TLR2: variants seen among roughly 807,000 people sequenced by gnomAD.
The protein encoded by TLR2 is toll like receptor 2.
A neutral mutation model predicts 9.1 loss-of-function variants in TLR2; 7 were observed. The observed-to-expected ratio is 0.77, with a 90% CI of 0.44 to 1.44. The LOEUF (loss-of-function observed/expected upper bound fraction) is 1.44. Ranked by LOEUF, TLR2 falls within the 40% of genes most tolerant of loss-of-function variation. The pLI is 0.01. For missense variants in TLR2, 812 were observed against 904.6 expected (o/e 0.90, Z 1.31); for synonymous variants, 317 against 344.6 (o/e 0.92, Z 0.89).
chr4:153,684,759 G>A (rs55714645), intron 1 of TLR2, among the ~76,000 whole-genome samples: 7,551 of 151,358 alleles, frequency 0.05, 507 homozygotes, highest in African/African-American at 0.16. Context: ...TTGCCGCGGA[G>A]AGCTTCCGCT....
chr4:153,699,534 A>G (rs751303052), intron 2 of TLR2, among the ~76,000 whole-genome samples: 2 of 152,230 alleles, frequency 1.3e-5, no homozygotes, highest in African/African-American at 2.4e-5. Context: ...AAGGCTATAT[A>G]GTTGCCCAGT....
intron 2 of TLR2, among the ~76,000 whole-genome samples, chr4:153,689,676 C>T (rs187520121): frequency 6.6e-6 from 1 of 152,276 alleles, no homozygotes; most frequent in East Asian, 1.9e-4. Flanking sequence ...TGATTACATC[C>T]AGGCATTATT....
Position 153,703,233 on chromosome 4 carries a change from A to G in TLR2, c.326A>G (p.Tyr109Cys). 4 of 1,614,000 alleles carry G rather than the reference A, an allele frequency of 2.5e-6. No individual in the cohort carries two copies. Among genetic ancestry groups the G allele is most frequent in the Non-Finnish European group, 1.7e-6 (2 of 1,179,964 alleles). Residue 109 changes from tyrosine (Y) to cysteine (C), a missense_variant, in exon 3 of 3, where the codon TAT becomes TGT. Tyr to Cys is a radical substitution (Grantham distance 194, BLOSUM62 -2). Transcript: ENST00000642700. ...LGSLEHLDLS[Y>C]NYLSNLSSSW... Reference sequence around the variant, plus strand: ...AGTCTTGAACATTTAGACTTATCCTATAATTACTTATCTAATTTATCGTCT... The same window carrying G: ...AGTCTTGAACATTTAGACTTATCCTGTAATTACTTATCTAATTTATCGTCT...
intron 1 of TLR2, among the ~76,000 whole-genome samples, chr4:153,685,264 T>G (rs1175341347): frequency 1.3e-5 from 2 of 152,208 alleles, no homozygotes; most frequent in East Asian, 3.8e-4. Flanking sequence ...TCTATAAATA[T>G]GAACTTGTGT....
At chr4:153,686,258 T>C (rs1735698538) in intron 1 of TLR2, among the ~76,000 whole-genome samples, 1 of 152,100 alleles carries the variant, frequency 6.6e-6, no homozygotes, top group African/African-American at 2.4e-5. Flanking sequence ...AAATTCCACC[T>C]CTCAACACTG....
Position 153,703,509 on chromosome 4 carries a change from G to GT in TLR2, c.603dup (p.His202SerfsTer32), listed in dbSNP as rs1560751220. ...AGTTTGAAGTCAATTCAGAATGTAA[G>GT]TCATCTGATCCTTCATATGAAGCAG... On this transcript the variant is annotated frameshift_variant, in exon 3 of 3. Transcript: ENST00000642700. LOFTEE classifies it low-confidence loss of function (END_TRUNC). The GT allele has an allele frequency of 3.7e-6, 6 of 1,613,780 alleles. No individual in the cohort carries two copies. In the African/African-American group the frequency reaches 4.0e-5, roughly 11 times the overall value.
chr4:153,705,914 T>C lies in TLR2; in HGVS notation c.*652T>C, dbSNP rs1434002407. Among the ~76,000 whole-genome samples the C allele has an allele frequency of 1.3e-5, 2 of 152,200 alleles. No homozygotes were observed. Among genetic ancestry groups the C allele is most frequent in the Non-Finnish European group, 2.9e-5 (2 of 68,026 alleles). On this transcript the variant is annotated 3_prime_UTR_variant, in exon 3 of 3. Coordinates refer to ENST00000642700, the MANE Select transcript of TLR2 (RefSeq NM_001318789.2). ...CAATGACTGTGTCATTCTTTCTTCCTGCTAAGAGACTCCTCTGTGGCCACA... is the reference window on the plus strand; with the variant it reads ...CAATGACTGTGTCATTCTTTCTTCCCGCTAAGAGACTCCTCTGTGGCCACA...
intron 2 of TLR2, among the ~76,000 whole-genome samples, chr4:153,689,851 A>G (rs1251248942): frequency 1.3e-5 from 2 of 152,102 alleles, no homozygotes; most frequent in African/African-American, 4.8e-5. Context: ...TCCACCCTCT[A>G]TGGCAGTTTC....
At chr4:153,685,398 A>G (rs907331955) in intron 1 of TLR2, among the ~76,000 whole-genome samples, 2 of 152,212 alleles carry the variant, frequency 1.3e-5, no homozygotes, top group Non-Finnish European at 2.9e-5. Flanking sequence ...ATCTGGGTGT[A>G]GACAACTCAA....
chr4:153,696,854 G>T (rs4696482), intron 2 of TLR2, among the ~76,000 whole-genome samples: 1 of 151,690 alleles, frequency 6.6e-6, no homozygotes, highest in African/African-American at 2.4e-5. Context: ...TGTAGCATGA[G>T]CCCATCTACA....
At chr4:153,710,377 GC>G (rs1246825071), downstream of TLR2, 1 of 1,553,822 alleles carries the variant, frequency 6.4e-7, no homozygotes, top group African/African-American at 1.4e-5. Flanking sequence ...TCCTATTCCA[GC>G]CCTAGTGAAT....
chr4:153,701,279 G>A (rs892663119), intron 2 of TLR2, among the ~76,000 whole-genome samples: 21 of 152,138 alleles, frequency 1.4e-4, no homozygotes, highest in Non-Finnish European at 8.8e-5. Flanking sequence ...TATGGGATTA[G>A]CATCCTTATA....
At chr4:153,710,594 T>G (rs1443437761), downstream of TLR2, 31 of 1,101,426 alleles carry the variant, frequency 2.8e-5, no homozygotes, top group Non-Finnish European at 3.8e-5. Flanking sequence ...GGGTATTTCC[T>G]TTCTTGTTAA....
chr4:153,708,526 CATA>C (rs1737402395), downstream of TLR2, among the ~76,000 whole-genome samples: 2 of 152,114 alleles, frequency 1.3e-5, no homozygotes, highest in Admixed American at 6.5e-5. Context: ...CTGAATCAAT[CATA>C]ATGAGAGAGG....
rs139227237 is a variant in TLR2 at position 153,703,557 on chromosome 4, T to C, written c.650T>C (p.Phe217Ser). ...CAGCATATTTTACTGCTGGAGATTT[T>C]TGTAGATGTTACAAGTTCCGTGGAA... ...MKQHILLLEI[F>S]VDVTSSVECL... Residue 217 changes from phenylalanine to serine, a missense_variant, in exon 3 of 3, where the codon TTT (phenylalanine) becomes TCT (serine). By Grantham distance (155) the Phe-to-Ser change is radical. Transcript: ENST00000642700. 3.5e-3 allele frequency: 5,575 copies of C among 1,614,148 alleles called. 27 individuals are homozygous for C. The highest frequency in any genetic ancestry group is 3.5e-3 in the Non-Finnish European group (4,135 of 1,180,018).
intron 2 of TLR2, among the ~76,000 whole-genome samples, chr4:153,696,845 G>A (rs1422309372): frequency 7.5e-6 from 1 of 134,184 alleles, no homozygotes; most frequent in East Asian, 2.3e-4. Context: ...CTGGGGCAAT[G>A]TAGCATGAGC....
At position 153,704,388 on chromosome 4, in the gene TLR2, A is replaced by G; in HGVS notation, c.1481A>G (p.Asp494Gly). The G allele has an allele frequency of 6.2e-7, 1 of 1,614,122 alleles. No homozygotes were observed. Among genetic ancestry groups the G allele is most frequent in the South Asian group, 1.1e-5 (1 of 91,070 alleles). The change falls in exon 3 of 3, where the codon GAT (aspartate) becomes GGT (glycine). Residue 494 changes from aspartate to glycine, a missense_variant. Transcript: ENST00000642700. ...AGAAATAAGTTGATGACTCTACCAG[A>G]TGCCTCCCTCTTACCCATGTTACTA... ...ISRNKLMTLP[D>G]ASLLPMLLVL...
intron 2 of TLR2, among the ~76,000 whole-genome samples, chr4:153,696,126 C>T (rs566451848): frequency 6.6e-6 from 1 of 151,968 alleles, no homozygotes; most frequent in Admixed American, 6.6e-5. Context: ...CAGTTTTGTT[C>T]TTTTTGCTCA....
At position 153,704,531 on chromosome 4, in the gene TLR2, C is replaced by T. The variant is rs1398029410; in HGVS notation, c.1624C>T (p.Leu542Phe). 1 of 1,613,870 alleles carries T rather than the reference C, an allele frequency of 6.2e-7. No individual in the cohort carries two copies. The highest frequency in any genetic ancestry group is 1.3e-5 in the African/African-American group (1 of 74,998). ...TAACTTCATTTGCTCCTGTGAATTC[C>T]TCTCCTTCACTCAGGAGCAGCAAGC... is the stretch of plus-strand genomic sequence containing the variant. ...GNNFICSCEF[L>F]SFTQEQQALA... The change falls in exon 3 of 3, where the codon CTC becomes TTC. Residue 542 changes from leucine (L) to phenylalanine (F), a missense_variant. Coordinates refer to ENST00000642700, the MANE Select transcript of TLR2 (RefSeq NM_001318789.2).
Sources: gnomAD v4.1 joint callset for allele counts (sites outside exome capture counted in the v4.1 genomes callset) on GRCh38, gnomAD v4.1.1 for gene constraint, MANE v1.5 for transcripts, NCBI Gene and HGNC (gene_info 2026-07-23, HGNC 2026-07-21) for gene names.